The following IQGAP3 variants were observed in gnomAD, a reference collection of about 807,000 sequenced individuals.
IQGAP3 encodes ras GTPase-activating-like protein IQGAP3.
IQGAP3 carries 165 observed loss-of-function variants against 208.2 expected under a neutral mutation model. That is an observed-to-expected ratio of 0.79 (90% CI 0.70 to 0.90). IQGAP3 has a LOEUF of 0.90. Among genes scored for constraint, IQGAP3 ranks in the 40% least tolerant of loss-of-function variants. IQGAP3 has a pLI of 0.00. For missense variants in IQGAP3, 1,811 were observed against 2,043.1 expected (o/e 0.89, Z 2.19); for synonymous variants, 703 against 803.6 (o/e 0.87, Z 2.12).
At chr1:156,561,586 C>T (rs113028649) in intron 10 of IQGAP3, among the ~76,000 whole-genome samples, 1 of 152,210 alleles carries the variant, frequency 6.6e-6, no homozygotes, top group Non-Finnish European at 1.5e-5. Context: ...AGTGGAGGCA[C>T]CAGTTCAACA....
At chr1:156,538,704 A>G in intron 26 of IQGAP3, 105 bp downstream of exon 26, 12 of 888,504 alleles carry the variant, frequency 1.4e-5, no homozygotes, top group Non-Finnish European at 2.2e-5. Flanking sequence ...GCCCATTTAT[A>G]TGCCACCTTC....
At position 156,538,833 on chromosome 1, in the gene IQGAP3, G is replaced by A. The variant is rs548209570; in HGVS notation, c.3257C>T (p.Thr1086Ile). ...VHLYKNWINQ[T>I]EAQTGQRSHL... ...CCTGCGCTGCCCTGTCTGGGCCTCA[G>A]TCTGGTTGATCCAGTTCTTATAGAG... Residue 1086 changes from threonine to isoleucine, a missense_variant, in exon 26 of 38, where the codon ACT (threonine) becomes ATT (isoleucine). Transcript: ENST00000361170. 125 of 1,614,176 alleles carry A rather than the reference G, an allele frequency of 7.7e-5. No individual in the cohort carries two copies. In the East Asian group the frequency reaches 2.5e-3, roughly 32 times the overall value.
In IQGAP3 at chr1:156,551,882, A is replaced by C. The variant is rs1368934576; in HGVS notation, c.1571-14T>G. 2 of 1,599,622 alleles carry C rather than the reference A, an allele frequency of 1.3e-6. No homozygotes were observed. The highest frequency in any genetic ancestry group is 1.1e-5 in the South Asian group (1 of 89,802). On this transcript the variant is annotated splice_polypyrimidine_tract_variant and intron_variant, in intron 14 of 37. Coordinates refer to ENST00000361170, the MANE Select transcript of IQGAP3 (RefSeq NM_178229.5). ...CTGCAAGGACCCCTAAGAAAGAGAG[A>C]TCTAGGTGGGCAGGGGGCCCCTAGA... is the stretch of plus-strand genomic sequence containing the variant.
At chr1:156,554,201 C>T in intron 13 of IQGAP3, 34 bp downstream of exon 13, 5 of 1,567,154 alleles carry the variant, frequency 3.2e-6, no homozygotes, top group Non-Finnish European at 4.3e-6. Context: ...TTCCCCCATC[C>T]CTCACTCCCA....
intron 19 of IQGAP3, among the ~76,000 whole-genome samples, chr1:156,545,199 G>T (rs1571332184): frequency 6.6e-6 from 1 of 152,080 alleles, no homozygotes; most frequent in Non-Finnish European, 1.5e-5. Flanking sequence ...TGCCTCCTTT[G>T]GTCTCTAAAA....
In IQGAP3 at chr1:156,533,788, T is replaced by C; in HGVS notation, c.3961A>G (p.Ile1321Val). ...GGGCACGTACCAATAAGGTCAGGGA[T>C]GGTGGGCAGCTCCCCAAGATCCTCC... ...LLEDLGELPT[I>V]PDLIGESIAA... Residue 1321 changes from isoleucine (I) to valine (V), a missense_variant, in exon 31 of 38, where the codon ATC (isoleucine) becomes GTC (valine). Physicochemically the swap from Ile to Val is conservative, Grantham distance 29. Transcript: ENST00000361170. 6.2e-7 allele frequency: 1 copy of C among 1,613,614 alleles called. No individual in the cohort carries two copies. Among genetic ancestry groups the C allele is most frequent in the African/African-American group, 1.3e-5 (1 of 74,992 alleles).
In IQGAP3 at chr1:156,526,303, A is replaced by G. The variant is rs969441132; in HGVS notation, c.*183T>C. ...CTCTGGGCAAGGCCCACTTTAGCCA[A>G]TTAGAAGATACACTGTCTGTGGCCA... is the stretch of plus-strand genomic sequence containing the variant. On this transcript the variant is annotated 3_prime_UTR_variant, in exon 38 of 38. Coordinates refer to ENST00000361170, the MANE Select transcript of IQGAP3 (RefSeq NM_178229.5). The G allele has an allele frequency of 1.2e-5, 7 of 594,170 alleles. No homozygotes were observed. The highest frequency in any genetic ancestry group is 1.1e-4 in the African/African-American group (6 of 53,754). The allele number at this position is 594,170 out of a possible 1,614,324, so 36.8% of individuals were successfully genotyped here.
chr1:156,552,097 T>C lies in IQGAP3; in HGVS notation c.1449-2A>G. On this transcript the variant is annotated splice_acceptor_variant, in intron 13 of 37. Transcript: ENST00000361170. LOFTEE classifies it high-confidence loss of function. ...AATTTCAGCAGGGCATCGAAGTAAC[T>C]GGCAGTGGGGTGAAGGGCAGAGAGG... 6.2e-7 allele frequency: 1 copy of C among 1,613,884 alleles called. No homozygotes were observed. The highest frequency in any genetic ancestry group is 8.5e-7 in the Non-Finnish European group (1 of 1,179,882).
At chr1:156,561,691 A>T in intron 10 of IQGAP3, 147 bp downstream of exon 10, 1 of 783,576 alleles carries the variant, frequency 1.3e-6, no homozygotes, top group Admixed American at 2.3e-5. Context: ...AATCTGGTCT[A>T]CTAGGCCTTG....
chr1:156,554,328 C>T lies in IQGAP3; in HGVS notation c.1355G>A (p.Arg452Gln), dbSNP rs768039917. 17 of 1,613,970 alleles carry T rather than the reference C, an allele frequency of 1.1e-5. No homozygotes were observed. Among genetic ancestry groups the T allele is most frequent in the East Asian group, 2.2e-5 (1 of 44,894 alleles). Residue 452 changes from arginine to glutamine, a missense_variant, in exon 13 of 38, where the codon CGG becomes CAG. Transcript: ENST00000361170. ...EMLSAVVLIN[R>Q]ALEARDASGF... ...ACTGGCATCCCGGGCCTCCAGGGCC[C>T]GGTTAATCAGGACCACAGCTGAGAG...
chr1:156,547,325 C>T (rs1272718132), intron 19 of IQGAP3, among the ~76,000 whole-genome samples: 1 of 151,984 alleles, frequency 6.6e-6, no homozygotes, highest in Admixed American at 6.6e-5. Flanking sequence ...CTTCTTCGAG[C>T]CCTCCTAGTG....
intron 22 of IQGAP3, among the ~76,000 whole-genome samples, chr1:156,541,637 G>A (rs972609202): frequency 6.6e-6 from 1 of 152,062 alleles, no homozygotes; most frequent in African/African-American, 2.4e-5. Flanking sequence ...CTCTCTTACC[G>A]ATAATAACTC....
At position 156,563,156 on chromosome 1, in the gene IQGAP3, T is replaced by G. The variant is rs1288492557; in HGVS notation, c.776A>C (p.Lys259Thr). The change falls in exon 8 of 38, where the codon AAG becomes ACG. Residue 259 changes from lysine (K) to threonine (T), a missense_variant. Lys to Thr is a moderately conservative substitution (Grantham distance 78). Transcript: ENST00000361170. ...QEMLAQAKMEKAANARNHDDR... is the reference protein window; with the variant it reads ...QEMLAQAKMETAANARNHDDR... ...TACATGGTTCCTGGCATTGGCTGCCTTCTCCATCTTGGCCTGGGCCAGCAT... is the reference window on the plus strand; with the variant it reads ...TACATGGTTCCTGGCATTGGCTGCCGTCTCCATCTTGGCCTGGGCCAGCAT... 6.2e-7 allele frequency: 1 copy of G among 1,604,148 alleles called. No individual in the cohort carries two copies. The highest frequency in any genetic ancestry group is 2.2e-5 in the East Asian group (1 of 44,624).
chr1:156,532,572 C>T (rs890198595), intron 32 of IQGAP3, among the ~76,000 whole-genome samples: 11 of 151,918 alleles, frequency 7.2e-5, no homozygotes, highest in African/African-American at 1.7e-4. Flanking sequence ...TTGGGCCAGG[C>T]GCAGTGGGTC....
In IQGAP3 at chr1:156,560,956, T is replaced by C. The variant is rs768883419; in HGVS notation, c.1107A>G (p.Thr369=). Reference sequence around the variant, plus strand: ...TACTGGCTTGTTCCTGATCACCCTTTGTGTTGGCTGCAGCCACACCAGCCT... The same window carrying C: ...TACTGGCTTGTTCCTGATCACCCTTCGTGTTGGCTGCAGCCACACCAGCCT... ...EVQAGVAAAN[T]KGDQEQAMLH... The change falls in exon 11 of 38, where the codon ACA becomes ACG. Residue 369 remains threonine (T), a synonymous_variant. Transcript: ENST00000361170. The C allele has an allele frequency of 3.1e-6, 5 of 1,613,658 alleles. No homozygotes were observed. The highest frequency in any genetic ancestry group is 1.6e-4 in the Middle Eastern group (1 of 6,084).
At chr1:156,528,409 G>T in intron 36 of IQGAP3, 100 bp downstream of exon 36, 1 of 819,228 alleles carries the variant, frequency 1.2e-6, no homozygotes. Flanking sequence ...TCAAGATCGG[G>T]ACCATGCTTC....
intron 5 of IQGAP3, 143 bp from the exon 6 acceptor site, chr1:156,563,967 T>C: frequency 1.6e-6 from 1 of 643,080 alleles, no homozygotes; most frequent in Non-Finnish European, 2.7e-6. Flanking sequence ...CCAACCCACA[T>C]AAAGAAATAT....
intron 25 of IQGAP3, 28 bp from the exon 26 acceptor site, chr1:156,539,061 G>A: frequency 6.3e-7 from 1 of 1,583,772 alleles, no homozygotes; most frequent in Non-Finnish European, 8.7e-7. Flanking sequence ...ATTGAAACCA[G>A]TCTTCTGCCT....
At chr1:156,569,352 T>C in intron 2 of IQGAP3, 24 bp downstream of exon 2, 1 of 1,526,744 alleles carries the variant, frequency 6.5e-7, no homozygotes, top group South Asian at 1.1e-5. Context: ...GCAGAAAGAG[T>C]CCATCTTCCT....
Sources: gnomAD v4.1 joint callset for allele counts (sites outside exome capture counted in the v4.1 genomes callset) on GRCh38, gnomAD v4.1.1 for gene constraint, MANE v1.5 for transcripts, NCBI Gene and HGNC (gene_info 2026-07-23, HGNC 2026-07-21) for gene names.